Variants in DLGAP2 observed in about 807,000 individuals in gnomAD.
DLGAP2 encodes DLG associated protein 2, also known as disks large-associated protein 2.
In DLGAP2, 26 loss-of-function variants were observed where a neutral mutation model predicts 100.3. The observed-to-expected ratio is 0.26, with a 90% CI of 0.19 to 0.36. The LOEUF is 0.36. Among genes scored for constraint, DLGAP2 ranks in the 10% least tolerant of loss-of-function variants. The probability of loss-of-function intolerance (pLI) is 1.00; values close to 1 mark genes in which losing one functional copy is unlikely to be tolerated. For missense variants in DLGAP2, 1,858 were observed against 1,453.2 expected (o/e 1.28, Z -4.53); for synonymous variants, 886 against 630.1 (o/e 1.41, Z -6.08).
At position 1,703,427 on chromosome 8, in the gene DLGAP2, ATATCCACTCTTATTATGTT is replaced by A. The variant is rs1799627081; in HGVS notation, c.*2022_*2040del. The A allele has an allele frequency of 6.6e-6, 1 of 152,608 alleles. No homozygotes were observed. The highest frequency in any genetic ancestry group is 1.5e-5 in the Non-Finnish European group (1 of 68,050). 9.5% of individuals were successfully genotyped at this position (152,608 alleles called of 1,614,324 possible). On this transcript the variant is annotated 3_prime_UTR_variant, in exon 15 of 15. Coordinates refer to ENST00000637795, the MANE Select transcript of DLGAP2 (RefSeq NM_001346810.2). ...GTGTACGGTAATGACGCTTCTTCCT[ATATCCACTCTTATTATGTT>A]AAAACAAATGTATTTGCGAGTATTG...
At chr8:1,441,086 G>T (rs184245744) in intron 3 of DLGAP2, among the ~76,000 whole-genome samples, 2 of 152,106 alleles carry the variant, frequency 1.3e-5, no homozygotes, top group African/African-American at 4.8e-5. Flanking sequence ...GTCTATGTTC[G>T]AAACATAATC....
intron 1 of DLGAP2, among the ~76,000 whole-genome samples, chr8:846,656 A>C (rs1797076500): frequency 6.6e-6 from 1 of 152,210 alleles, no homozygotes; most frequent in Non-Finnish European, 1.5e-5. Flanking sequence ...ACCCAGTAGC[A>C]GGATTGCTGG....
At chr8:863,798 C>G (rs953587547) in intron 1 of DLGAP2, among the ~76,000 whole-genome samples, 1 of 152,154 alleles carries the variant, frequency 6.6e-6, no homozygotes, top group African/African-American at 2.4e-5. Flanking sequence ...AGTACAGCCG[C>G]TATGGAAAAC....
At chr8:1,278,394 A>G (rs767900738) in intron 3 of DLGAP2, among the ~76,000 whole-genome samples, 23 of 152,200 alleles carry the variant, frequency 1.5e-4, no homozygotes, top group Non-Finnish European at 3.2e-4. Context: ...GAGCCTGGTC[A>G]TTACTCAATT....
At chr8:1,052,888 A>G (rs1185088851) in intron 2 of DLGAP2, among the ~76,000 whole-genome samples, 1 of 152,154 alleles carries the variant, frequency 6.6e-6, no homozygotes, top group Non-Finnish European at 1.5e-5. Context: ...TAATATTCAA[A>G]CTCATTATTA....
At chr8:996,341 C>A (rs1326996934) in intron 2 of DLGAP2, among the ~76,000 whole-genome samples, 1 of 152,124 alleles carries the variant, frequency 6.6e-6, no homozygotes, top group East Asian at 1.9e-4. Flanking sequence ...CTCCGAGGGC[C>A]CCAGTGTCAC....
intron 3 of DLGAP2, among the ~76,000 whole-genome samples, chr8:1,424,452 A>G (rs1392505524): frequency 6.6e-6 from 1 of 152,250 alleles, no homozygotes; most frequent in South Asian, 2.1e-4. Flanking sequence ...GAAAATGTTC[A>G]ATTGTGTATA....
intron 2 of DLGAP2, chr8:1,001,999 A>G (rs1160216205): frequency 6.6e-6 from 1 of 152,232 alleles, no homozygotes; most frequent in Non-Finnish European, 1.5e-5. Context: ...TTTCCTACAC[A>G]ATATACGATA....
At chr8:1,698,623 C>CATG (rs1347383194) in intron 14 of DLGAP2, among the ~76,000 whole-genome samples, 2,026 of 149,952 alleles carry the variant, frequency 0.014, 124 homozygotes, top group African/African-American at 0.047. Flanking sequence ...CCATGTAAGC[C>CATG]CTGCATGGGA....
At chr8:1,455,412 G>A (rs1584921459) in intron 3 of DLGAP2, among the ~76,000 whole-genome samples, 1 of 152,344 alleles carries the variant, frequency 6.6e-6, no homozygotes, top group African/African-American at 2.4e-5. Context: ...GGGGGACCCT[G>A]GTCTGTCAGG....
chr8:986,863 T>C (rs990558444), intron 2 of DLGAP2, among the ~76,000 whole-genome samples: 1 of 152,146 alleles, frequency 6.6e-6, no homozygotes, highest in Non-Finnish European at 1.5e-5. Flanking sequence ...TTTTGCCATG[T>C]TGGCCAGGCT....
chr8:1,072,584 C>T (rs1397932505), intron 2 of DLGAP2, among the ~76,000 whole-genome samples: 3 of 152,140 alleles, frequency 2.0e-5, no homozygotes, highest in African/African-American at 7.2e-5. Flanking sequence ...TGTGGCTGTT[C>T]CCGAGAGCAT....
At chr8:1,540,177 CT>C (rs1801313611) in intron 4 of DLGAP2, among the ~76,000 whole-genome samples, 1 of 152,178 alleles carries the variant, frequency 6.6e-6, no homozygotes. Flanking sequence ...GGTCTCTGCC[CT>C]GGTCAAGCCC....
intron 2 of DLGAP2, among the ~76,000 whole-genome samples, chr8:923,572 G>T (rs1375627249): frequency 6.6e-6 from 1 of 152,232 alleles, no homozygotes; most frequent in African/African-American, 2.4e-5. Context: ...GAAACAGGGG[G>T]TGACGTTTAA....
chr8:1,168,277 A>G (rs1289426766), intron 2 of DLGAP2, among the ~76,000 whole-genome samples: 2 of 151,784 alleles, frequency 1.3e-5, no homozygotes, highest in East Asian at 1.9e-4. Flanking sequence ...AATCCAGTCT[A>G]TCATTGTTGG....
chr8:841,507 T>C (rs1318588346), intron 1 of DLGAP2, among the ~76,000 whole-genome samples: 2 of 152,212 alleles, frequency 1.3e-5, no homozygotes, highest in Admixed American at 6.5e-5. Context: ...ACCCGGTTAC[T>C]AGGGGTGTAC....
chr8:1,557,906 C>CCTT (rs1458907943), intron 5 of DLGAP2, among the ~76,000 whole-genome samples: 1 of 152,158 alleles, frequency 6.6e-6, no homozygotes, highest in East Asian at 1.9e-4. Flanking sequence ...TCTGAGGTCC[C>CCTT]AAGGGTTAGG....
At chr8:1,298,329 TCCTGCAG>T (rs1800241083) in intron 3 of DLGAP2, among the ~76,000 whole-genome samples, 1 of 152,190 alleles carries the variant, frequency 6.6e-6, no homozygotes, top group Non-Finnish European at 1.5e-5. Context: ...TGGTCTGTCG[TCCTGCAG>T]CCTACAGAGG....
At chr8:1,153,421 G>C (rs77546223) in intron 2 of DLGAP2, among the ~76,000 whole-genome samples, 7,245 of 152,158 alleles carry the variant, frequency 0.048, 202 homozygotes, top group African/African-American at 0.069. Context: ...ACATGGTACA[G>C]TTCACTCTTT....
Sources: allele counts gnomAD v4.1 joint callset (sites outside exome capture counted in the v4.1 genomes callset), GRCh38; gene constraint gnomAD v4.1.1; transcripts MANE v1.5; gene names NCBI Gene and HGNC (gene_info 2026-07-23, HGNC 2026-07-21).